The following LPIN1 variants were observed in gnomAD, a reference collection of about 807,000 sequenced individuals.
The protein encoded by LPIN1 is lipin 1, also known as phosphatidate phosphatase LPIN1.
A neutral mutation model predicts 107.5 loss-of-function variants in LPIN1; 71 were observed. The observed-to-expected ratio is 0.66, with a 90% CI of 0.55 to 0.80. LPIN1 has a LOEUF of 0.80. Among genes scored for constraint, LPIN1 ranks in the 30% least tolerant of loss-of-function variants. The pLI is 0.00. For synonymous variants in LPIN1, 445 were observed against 452.6 expected (o/e 0.98, Z 0.21); for missense variants, 1,043 against 1,160.6 (o/e 0.90, Z 1.47).
At position 11,820,426 on chromosome 2, in the gene LPIN1, A is replaced by C. The variant is rs759614820; in HGVS notation, c.2533A>C (p.Lys845Gln). ...GNRPADVYSY[K>Q]QVGVSLNRIF... ...CCAAATATAGGATGTGTATTCATAC[A>C]AGCAAGTAGGAGTGTCTTTGAATAG... Residue 845 changes from lysine to glutamine, a missense_variant, in exon 20 of 21, where the codon AAG (lysine) becomes CAG (glutamine). Physicochemically the swap from Lys to Gln is moderately conservative, Grantham distance 53. Coordinates refer to ENST00000674199, the MANE Select transcript of LPIN1 (RefSeq NM_001349206.2). The C allele has an allele frequency of 3.1e-6, 5 of 1,610,478 alleles. No individual in the cohort carries two copies.
intron 1 of LPIN1, among the ~76,000 whole-genome samples, chr2:11,696,046 C>CTTTTTTT (rs531347349): frequency 7.9e-6 from 1 of 126,062 alleles, no homozygotes; most frequent in African/African-American, 3.3e-5. Flanking sequence ...GCTGACTCTC[C>CTTTTTTT]TTTTTTTTTT....
rs377656257 is a variant in LPIN1, at chr2:11,820,735, C to T, written c.2621+221C>T. ...CCCTTCTGGGTCTAAAATTTAAACT[C>T]GTGGTTAGAGTCTGCTACAGAATGG... is the stretch of plus-strand genomic sequence containing the variant. On this transcript the variant is annotated intron_variant, in intron 20 of 20. Coordinates refer to ENST00000674199, the MANE Select transcript of LPIN1 (RefSeq NM_001349206.2). 1.3e-4 allele frequency among the ~76,000 whole-genome samples: 20 copies of T among 152,216 alleles called. No homozygotes were observed. The East Asian group carries it at 1.3e-3, about 10-fold the overall frequency.
chr2:11,694,977 A>G (rs1283933749), intron 1 of LPIN1, among the ~76,000 whole-genome samples: 3 of 152,112 alleles, frequency 2.0e-5, no homozygotes, highest in Admixed American at 6.5e-5. Flanking sequence ...GGGCTGTCAC[A>G]TGGCTTCTTT....
chr2:11,746,524 C>T (rs1666934512), upstream of LPIN1: 5 of 333,580 alleles, frequency 1.5e-5, no homozygotes, highest in Non-Finnish European at 1.7e-5. Context: ...GCCACCAGCG[C>T]GTCCCGAGTC....
chr2:11,774,280 C>T lies in LPIN1; in HGVS notation c.722+535C>T, dbSNP rs1433033366. Among the ~76,000 whole-genome samples the T allele has an allele frequency of 2.0e-5, 3 of 152,228 alleles. No homozygotes were observed. The highest frequency in any genetic ancestry group is 7.2e-5 in the African/African-American group (3 of 41,462). ...ATCCTGATGACCCCAGAGATGTTTA[C>T]ATCAGTGAAACCTCTGGGAATAGTG... On this transcript the variant is annotated intron_variant, in intron 5 of 20. Coordinates refer to ENST00000674199, the MANE Select transcript of LPIN1 (RefSeq NM_001349206.2). The surrounding 1 kb of genome is among the most constrained non-coding windows in gnomAD (Gnocchi z 4.4).
At position 11,766,801 on chromosome 2, in the gene LPIN1, G is replaced by A. The variant is rs567097900; in HGVS notation, c.193-962G>A. Among the ~76,000 whole-genome samples the A allele has an allele frequency of 1.1e-4, 16 of 152,206 alleles. No individual in the cohort carries two copies. The South Asian group carries it at 2.7e-3, about 26-fold the overall frequency. On this transcript the variant is annotated intron_variant, in intron 2 of 20. Transcript: ENST00000674199. The stretch of plus-strand genomic sequence containing the variant: ...AACAAACAAACAAACAAACAAAAAC[G>A]CAGAGCAGCTTCTTTTGTTGATACC...
chr2:11,782,252 ATTTG>A lies in LPIN1; in HGVS notation c.1011_1014del (p.Ile337MetfsTer42), dbSNP rs1420841369. ...GTCCAGCCCATTGAGCAGTAGAAAA[ATTTG>A]TGATAAAAGTCACTTTCAGGCCATT... On this transcript the variant is annotated frameshift_variant, in exon 8 of 21. Transcript: ENST00000674199. LOFTEE classifies it high-confidence loss of function. The A allele has an allele frequency of 1.2e-6, 2 of 1,614,140 alleles. No homozygotes were observed. Among genetic ancestry groups the A allele is most frequent in the Non-Finnish European group, 1.7e-6 (2 of 1,180,010 alleles).
chr2:11,810,877 C>G (rs1159329217), intron 17 of LPIN1, among the ~76,000 whole-genome samples: 6 of 152,158 alleles, frequency 3.9e-5, no homozygotes, highest in African/African-American at 1.2e-4. Context: ...CTCCCCGAGT[C>G]AGTGTCTTAA....
intron 1 of LPIN1, among the ~76,000 whole-genome samples, chr2:11,693,086 C>T (rs557163566): frequency 6.6e-6 from 1 of 152,150 alleles, no homozygotes; most frequent in East Asian, 1.9e-4. Context: ...CAAGATGGGT[C>T]CGATAGGTGG....
upstream of LPIN1, among the ~76,000 whole-genome samples, chr2:11,721,263 CGTGTGTGTGTGTGT>C (rs5829326): frequency 1.5e-4 from 19 of 129,886 alleles, no homozygotes; most frequent in East Asian, 4.6e-4. Flanking sequence ...GTACTGCATG[CGTGTGTGTGTGTGT>C]GTGTGTGTGT....
chr2:11,699,658 G>A (rs867428804), intron 1 of LPIN1, among the ~76,000 whole-genome samples: 40 of 152,300 alleles, frequency 2.6e-4, no homozygotes, highest in African/African-American at 9.4e-4. Context: ...GCCACTCACT[G>A]TTTCCTTAGA....
At chr2:11,819,240 G>A (rs940599754) in intron 18 of LPIN1, 21 of 490,828 alleles carry the variant, frequency 4.3e-5, no homozygotes, top group Middle Eastern at 5.5e-4. Flanking sequence ...TTTGTTCCCT[G>A]GATGACCAGG....
At chr2:11,732,484 T>C (rs1665331750) in intron 1 of LPIN1, among the ~76,000 whole-genome samples, 1 of 152,200 alleles carries the variant, frequency 6.6e-6, no homozygotes, top group Non-Finnish European at 1.5e-5. Flanking sequence ...CTGTGTGACA[T>C]GTGTTTCCGC....
intron 1 of LPIN1, among the ~76,000 whole-genome samples, chr2:11,710,045 C>T (rs561120494): frequency 1.3e-5 from 2 of 152,308 alleles, no homozygotes; most frequent in South Asian, 4.2e-4. Flanking sequence ...CATTGAGTAT[C>T]TGCCGTGAGC....
At chr2:11,782,949 C>T (rs1381474179) in intron 8 of LPIN1, among the ~76,000 whole-genome samples, 2 of 152,176 alleles carry the variant, frequency 1.3e-5, no homozygotes, top group Non-Finnish European at 2.9e-5. Context: ...TTTATTTTTG[C>T]CTGACTCCCC....
intron 2 of LPIN1, among the ~76,000 whole-genome samples, chr2:11,714,694 G>C (rs145601960): frequency 1.3e-5 from 2 of 152,200 alleles, no homozygotes; most frequent in Admixed American, 6.5e-5. Context: ...TTCCAGAGGG[G>C]CTGTGGAATG....
intron 2 of LPIN1, among the ~76,000 whole-genome samples, chr2:11,717,177 C>G (rs1317971018): frequency 6.6e-6 from 1 of 152,152 alleles, no homozygotes; most frequent in Non-Finnish European, 1.5e-5. Context: ...CTGGGAAATA[C>G]TGGCTCACAA....
intron 1 of LPIN1, among the ~76,000 whole-genome samples, chr2:11,699,852 G>C (rs908798080): frequency 1.3e-5 from 2 of 152,244 alleles, no homozygotes; most frequent in Non-Finnish European, 2.9e-5. Context: ...GCTGGGGGAG[G>C]GAGAGGAGCC....
At position 11,771,375 on chromosome 2, in the gene LPIN1, G is replaced by T. The variant is rs759857884; in HGVS notation, c.292G>T (p.Val98Phe). The change falls in exon 4 of 21, where the codon GTT (valine) becomes TTT (phenylalanine). Residue 98 changes from valine (V) to phenylalanine (F), a missense_variant. By Grantham distance (50) the Val-to-Phe change is conservative (BLOSUM62 -1). Transcript: ENST00000674199. The surrounding 1 kb of genome is among the most constrained non-coding windows in gnomAD (Gnocchi z 4.8). ...FVQETDNDQE[V>F]IPMHLATSPI... The stretch of plus-strand genomic sequence containing the variant: ...AGAAAATGTGTTCTTTTCTTAGGAA[G>T]TTATCCCTATGCACCTGGCCACCTC... 3 of 1,614,144 alleles carry T rather than the reference G, an allele frequency of 1.9e-6. No homozygotes were observed. Among genetic ancestry groups the T allele is most frequent in the South Asian group, 2.2e-5 (2 of 91,084 alleles).
Sources: gnomAD v4.1 joint callset for allele counts (sites outside exome capture counted in the v4.1 genomes callset) on GRCh38, gnomAD v4.1.1 for gene constraint, Gnocchi (gnomAD v3.1) non-coding constraint, MANE v1.5 for transcripts, NCBI Gene and HGNC (gene_info 2026-07-23, HGNC 2026-07-21) for gene names.